SUGCT: variants seen among roughly 807,000 people sequenced by gnomAD.
The protein encoded by SUGCT is succinyl-CoA:glutarate CoA-transferase.
In SUGCT, 41 loss-of-function variants were observed where a neutral mutation model predicts 55.0. The ratio of observed to expected loss-of-function variants is 0.74; its 90% CI spans 0.58 to 0.97. The LOEUF is 0.97. Ranked by LOEUF, SUGCT falls within the 50% of genes least tolerant of loss-of-function variation. The pLI, the probability that SUGCT is intolerant of heterozygous loss-of-function variation, is 0.00. For synonymous variants in SUGCT, 187 were observed against 200.4 expected, an observed-to-expected ratio of 0.93 and a Z score of 0.56; for missense variants, 568 against 547.8, an observed-to-expected ratio of 1.04 and a Z score of -0.37.
chr7:40,569,039 G>A (rs781006159), intron 12 of SUGCT, among the ~76,000 whole-genome samples: 1 of 152,178 alleles, frequency 6.6e-6, no homozygotes, highest in Non-Finnish European at 1.5e-5. Context: ...TACATGCGTT[G>A]GCCCAAGGTA....
intron 12 of SUGCT, among the ~76,000 whole-genome samples, chr7:40,549,821 G>C (rs1339204331): frequency 6.6e-6 from 1 of 152,130 alleles, no homozygotes; most frequent in Non-Finnish European, 1.5e-5. Context: ...AAAAGATGAG[G>C]GGAGTGGACA....
At chr7:40,697,943 A>G (rs971811556) in intron 12 of SUGCT, among the ~76,000 whole-genome samples, 8 of 152,216 alleles carry the variant, frequency 5.3e-5, no homozygotes, top group African/African-American at 1.9e-4. Flanking sequence ...AGACATTCCA[A>G]TTTGATGTGA....
chr7:40,827,350 T>C (rs2128773064), intron 13 of SUGCT, among the ~76,000 whole-genome samples: 1 of 152,208 alleles, frequency 6.6e-6, no homozygotes, highest in East Asian at 1.9e-4. Flanking sequence ...CACCTGCTGC[T>C]TTAAGAGCAG....
chr7:40,335,092 G>C (rs1450940879), intron 9 of SUGCT, among the ~76,000 whole-genome samples: 1 of 152,146 alleles, frequency 6.6e-6, no homozygotes, highest in Non-Finnish European at 1.5e-5. Context: ...TGAGGGCTCT[G>C]TTCTGTTCCA....
chr7:40,596,044 C>G (rs1035403535), intron 12 of SUGCT, among the ~76,000 whole-genome samples: 3 of 152,086 alleles, frequency 2.0e-5, no homozygotes, highest in Non-Finnish European at 4.4e-5. Context: ...TCATTTTATT[C>G]GGGACATGGC....
At chr7:40,606,257 C>T (rs1368065749) in intron 12 of SUGCT, among the ~76,000 whole-genome samples, 5 of 152,118 alleles carry the variant, frequency 3.3e-5, no homozygotes. Context: ...TGGAGGATGA[C>T]AAAGAAGGAA....
At chr7:40,576,262 A>T (rs1309874450) in intron 12 of SUGCT, among the ~76,000 whole-genome samples, 1 of 152,240 alleles carries the variant, frequency 6.6e-6, no homozygotes, top group Non-Finnish European at 1.5e-5. Context: ...CAGCCTGAAG[A>T]TTGACCCTGC....
intron 12 of SUGCT, among the ~76,000 whole-genome samples, chr7:40,725,221 T>A (rs73689844): frequency 5.8e-4 from 88 of 152,362 alleles, no homozygotes; most frequent in African/African-American, 1.9e-3. Flanking sequence ...GTCTCAGGAA[T>A]GCAGAACTCC....
intron 12 of SUGCT, among the ~76,000 whole-genome samples, chr7:40,698,659 A>G (rs1163016998): frequency 6.6e-6 from 1 of 152,206 alleles, no homozygotes; most frequent in East Asian, 1.9e-4. Context: ...GCCTTGTCTA[A>G]TTGGTTGCTA....
chr7:40,238,078 C>T (rs1419611877), intron 7 of SUGCT, among the ~76,000 whole-genome samples: 2 of 152,102 alleles, frequency 1.3e-5, no homozygotes, highest in African/African-American at 2.4e-5. Context: ...TAGGAATATT[C>T]CCTCTTTGAA....
At position 40,365,069 on chromosome 7, in the gene SUGCT, C is replaced by G. The variant is rs1457329825; in HGVS notation, c.816+48214C>G. Among the ~76,000 whole-genome samples the G allele has an allele frequency of 1.3e-5, 2 of 152,150 alleles. 1 individual carries two copies. The highest frequency in any genetic ancestry group is 2.9e-5 in the Non-Finnish European group (2 of 68,042). On this transcript the variant is annotated intron_variant, in intron 9 of 13. Coordinates refer to ENST00000335693, the MANE Select transcript of SUGCT (RefSeq NM_001193313.2). ...CATCACAAAGCTTATCCACCATGAT[C>G]AAGTGGGCTTCATCCCTGGGATGCA...
intron 12 of SUGCT, among the ~76,000 whole-genome samples, chr7:40,573,866 T>C (rs1408951018): frequency 2.0e-5 from 3 of 152,334 alleles, no homozygotes; most frequent in Middle Eastern, 6.8e-3. Flanking sequence ...TAGCACACAA[T>C]TTGAGAGCCT....
chr7:40,870,801 T>A, the SUGCT span, among the ~76,000 whole-genome samples: 5 of 152,244 alleles, frequency 3.3e-5, no homozygotes, highest in African/African-American at 1.2e-4. Flanking sequence ...AATTATTTAT[T>A]TATATCAATA....
chr7:40,844,723 G>A (rs182276427), intron 13 of SUGCT, among the ~76,000 whole-genome samples: 150 of 152,318 alleles, frequency 9.8e-4, no homozygotes, highest in East Asian at 3.9e-4. Context: ...GCCAGGGACC[G>A]CCCTCTTCTA....
chr7:40,445,830 A>T (rs1189414902), intron 9 of SUGCT, among the ~76,000 whole-genome samples: 1 of 152,206 alleles, frequency 6.6e-6, no homozygotes, highest in African/African-American at 2.4e-5. Context: ...AATAATTATT[A>T]AAAAGAACTC....
chr7:40,432,893 TTC>T (rs368701823), intron 9 of SUGCT, among the ~76,000 whole-genome samples: 3 of 150,932 alleles, frequency 2.0e-5, no homozygotes, highest in Non-Finnish European at 3.0e-5. Context: ...ACTTTATCCT[TTC>T]TCTCTCTCTC....
At chr7:40,340,875 T>C (rs1026186435) in intron 9 of SUGCT, among the ~76,000 whole-genome samples, 1 of 152,216 alleles carries the variant, frequency 6.6e-6, no homozygotes, top group African/African-American at 2.4e-5. Context: ...CTTTGGTCTT[T>C]GTTGAAATGT....
rs11336365 is a variant in SUGCT at position 40,367,450 on chromosome 7, GAA to G, written c.816+50604_816+50605del. On this transcript the variant is annotated intron_variant, in intron 9 of 13. Transcript: ENST00000335693. The stretch of plus-strand genomic sequence containing the variant: ...AATAAATAAATAAATAAATTACCCA[GAA>G]AAAAAAAATAAAATAAAATGGCTGG... Among the ~76,000 whole-genome samples the G allele has an allele frequency of 1.3e-3, 190 of 148,534 alleles. 6 individuals are homozygous for G. The highest frequency in any genetic ancestry group is 3.4e-3 in the Middle Eastern group (1 of 290).
intron 8 of SUGCT, among the ~76,000 whole-genome samples, chr7:40,275,625 T>G (rs527381100): frequency 6.6e-6 from 1 of 152,256 alleles, no homozygotes; most frequent in African/African-American, 2.4e-5. Context: ...ATTCTTGTGG[T>G]TTGTCACCTA....
Sources: gnomAD v4.1 joint callset for allele counts (sites outside exome capture counted in the v4.1 genomes callset) on GRCh38, gnomAD v4.1.1 for gene constraint, MANE v1.5 for transcripts, NCBI Gene and HGNC (gene_info 2026-07-23, HGNC 2026-07-21) for gene names.